PEAK1: variants seen among roughly 807,000 people sequenced by gnomAD.
PEAK1 encodes the protein pseudopodium enriched atypical kinase 1, also known as inactive tyrosine-protein kinase PEAK1.
In PEAK1, 54 loss-of-function variants were observed where a neutral mutation model predicts 124.7. The observed-to-expected ratio is 0.43, with a 90% CI of 0.35 to 0.54. The LOEUF (loss-of-function observed/expected upper bound fraction) is 0.54, where lower values mean the gene tolerates loss of function less well. Ranked by LOEUF, PEAK1 falls within the 20% of genes least tolerant of loss-of-function variation. The pLI, the probability that PEAK1 is intolerant of heterozygous loss-of-function variation, is 0.01. For missense variants in PEAK1, 2,046 were observed against 2,134.5 expected (o/e 0.96, Z 0.82); for synonymous variants, 719 against 760.0 (o/e 0.95, Z 0.89).
At chr15:77,315,625 A>G (rs2064822330) in intron 2 of PEAK1, among the ~76,000 whole-genome samples, 1 of 151,762 alleles carries the variant, frequency 6.6e-6, no homozygotes, top group African/African-American at 2.4e-5. Flanking sequence ...TAAAAAAAAT[A>G]AAAATAAAAT....
intron 6 of PEAK1, among the ~76,000 whole-genome samples, chr15:77,233,331 T>TAGG (rs1567146097): frequency 6.6e-6 from 1 of 152,182 alleles, no homozygotes; most frequent in Non-Finnish European, 1.5e-5. Context: ...AAGACTGTAT[T>TAGG]TCCCCTAAGA....
chr15:77,106,460 T>A (rs1245375698), downstream of PEAK1: 2 of 152,224 alleles, frequency 1.3e-5, no homozygotes, highest in East Asian at 3.9e-4. Flanking sequence ...ACCTCCTGGG[T>A]TCACGCCATT....
intron 5 of PEAK1, among the ~76,000 whole-genome samples, chr15:77,254,702 G>C (rs1299138284): frequency 6.6e-6 from 1 of 152,140 alleles, no homozygotes; most frequent in Non-Finnish European, 1.5e-5. Context: ...CAAAGTACTA[G>C]AATTACAGGT....
intron 6 of PEAK1, among the ~76,000 whole-genome samples, chr15:77,195,286 A>G (rs962536204): frequency 3.3e-5 from 5 of 152,188 alleles, no homozygotes; most frequent in African/African-American, 1.2e-4. Context: ...TCAAAGGAAC[A>G]TAGAGAACTA....
At chr15:77,138,861 CAAA>C (rs34066984) in intron 8 of PEAK1, among the ~76,000 whole-genome samples, 1 of 131,344 alleles carries the variant, frequency 7.6e-6, no homozygotes. Context: ...GACTCTGTCT[CAAA>C]AAAAAAAAAA....
chr15:77,220,354 G>T (rs1373704318), intron 6 of PEAK1, among the ~76,000 whole-genome samples: 1 of 151,888 alleles, frequency 6.6e-6, no homozygotes, highest in African/African-American at 2.4e-5. Flanking sequence ...TCTTTTAAAA[G>T]TTGCCTTCTT....
intron 5 of PEAK1, among the ~76,000 whole-genome samples, chr15:77,253,025 C>T (rs2060950336): frequency 6.6e-6 from 1 of 152,046 alleles, no homozygotes; most frequent in South Asian, 2.1e-4. Context: ...TTAAAAATAT[C>T]ACCCAAAATT....
intron 9 of PEAK1, among the ~76,000 whole-genome samples, chr15:77,124,673 CCT>C (rs1288873819): frequency 2.0e-5 from 3 of 152,204 alleles, no homozygotes; most frequent in Non-Finnish European, 4.4e-5. Context: ...GTCCTTCTGA[CCT>C]CTCTTACCAT....
chr15:77,327,367 A>G (rs540498402), intron 2 of PEAK1, among the ~76,000 whole-genome samples: 1 of 152,266 alleles, frequency 6.6e-6, no homozygotes, highest in Admixed American at 6.5e-5. Context: ...CCAGTTAAAT[A>G]AAGAAACAAC....
chr15:77,383,365 C>A (rs1237169544), intron 1 of PEAK1, among the ~76,000 whole-genome samples: 1 of 152,266 alleles, frequency 6.6e-6, no homozygotes, highest in Non-Finnish European at 1.5e-5. Flanking sequence ...AATATCCACA[C>A]TGCAATAGGA....
At chr15:77,141,588 A>C (rs533141751) in intron 8 of PEAK1, among the ~76,000 whole-genome samples, 8 of 152,366 alleles carry the variant, frequency 5.3e-5, no homozygotes, top group Non-Finnish European at 1.2e-4. Context: ...GTCTTTAAAA[A>C]GAATAAAGTT....
In PEAK1 at chr15:77,180,461, AG is replaced by A; in HGVS notation, c.1465del (p.Leu489SerfsTer26). On this transcript the variant is annotated frameshift_variant, in exon 7 of 10. Transcript: ENST00000682557. LOFTEE classifies it high-confidence loss of function. ...DVSAAMASEHLEGPVNSPKTK... is the reference protein window; with the variant it reads ...DVSAAMASEHXEGPVNSPKTK... ...CTTGGGGCTGTTAACAGGGCCCTCG[AG>A]GTGCTCACTGGCCATGGCTGCTGAC... 1.2e-6 allele frequency: 2 copies of A among 1,614,084 alleles called. No homozygotes were observed. The highest frequency in any genetic ancestry group is 2.2e-5 in the South Asian group (2 of 91,078).
intron 8 of PEAK1, among the ~76,000 whole-genome samples, chr15:77,152,720 G>C (rs2054761168): frequency 6.6e-6 from 1 of 152,120 alleles, no homozygotes; most frequent in Non-Finnish European, 1.5e-5. Flanking sequence ...TTTTGTCAAA[G>C]GCCTTTTCTG....
intron 9 of PEAK1, among the ~76,000 whole-genome samples, chr15:77,131,599 T>C (rs959941453): frequency 6.6e-6 from 1 of 152,234 alleles, no homozygotes; most frequent in Admixed American, 6.5e-5. Flanking sequence ...TTTCCTCATA[T>C]GTCAAATGGA....
chr15:77,420,685 C>A (rs528595304), upstream of PEAK1: 48 of 390,878 alleles, frequency 1.2e-4, 1 homozygote, highest in African/African-American at 9.9e-4. Context: ...CCTTGCGTAA[C>A]CACGTAGTCC....
At chr15:77,413,047 G>A (rs1473989665) in intron 1 of PEAK1, among the ~76,000 whole-genome samples, 3 of 152,092 alleles carry the variant, frequency 2.0e-5, no homozygotes, top group African/African-American at 7.2e-5. Context: ...CCTTATAGAA[G>A]AATTCTAATT....
chr15:77,162,846 A>T (rs567505506), intron 7 of PEAK1, among the ~76,000 whole-genome samples: 107 of 152,322 alleles, frequency 7.0e-4, no homozygotes, highest in African/African-American at 2.4e-3. Context: ...AATTACAAGA[A>T]ATCTGTGAGA....
At chr15:77,405,765 A>G (rs2071769283) in intron 1 of PEAK1, among the ~76,000 whole-genome samples, 1 of 152,156 alleles carries the variant, frequency 6.6e-6, no homozygotes, top group Non-Finnish European at 1.5e-5. Context: ...ACTGACAACT[A>G]CAAGTTGCAT....
Position 77,296,955 on chromosome 15 carries a change from C to T in PEAK1, c.-602-10451G>A, listed in dbSNP as rs1032492883. 2.6e-5 allele frequency among the ~76,000 whole-genome samples: 4 copies of T among 151,802 alleles called. No individual in the cohort carries two copies. In the East Asian group the frequency reaches 7.7e-4, roughly 29 times the overall value. On this transcript the variant is annotated intron_variant, in intron 2 of 9. Coordinates refer to ENST00000682557, the MANE Select transcript of PEAK1 (RefSeq NM_001385026.1). Reference sequence around the variant, plus strand: ...AATGCCCCAGGAGATCAATCACTGTCACATTATGACATCAGAGATCAAAAT... The same window carrying T: ...AATGCCCCAGGAGATCAATCACTGTTACATTATGACATCAGAGATCAAAAT...
Sources: gnomAD v4.1 joint callset for allele counts (sites outside exome capture counted in the v4.1 genomes callset) on GRCh38, gnomAD v4.1.1 for gene constraint, MANE v1.5 for transcripts, NCBI Gene and HGNC (gene_info 2026-07-23, HGNC 2026-07-21) for gene names.